The following NRG3 variants were observed in gnomAD, a reference collection of about 807,000 sequenced individuals.
NRG3 encodes the protein pro-neuregulin-3, membrane-bound isoform.
NRG3 carries 31 observed loss-of-function variants against 66.9 expected under a neutral mutation model. The ratio of observed to expected loss-of-function variants is 0.46; its 90% CI spans 0.35 to 0.63. The LOEUF is 0.63. Among genes scored for constraint, NRG3 ranks in the 20% least tolerant of loss-of-function variants. The pLI is 0.00. For synonymous variants in NRG3, 393 were observed against 359.4 expected (o/e 1.09, Z -1.06); for missense variants, 910 against 878.9 (o/e 1.04, Z -0.45).
chr10:82,695,391 C>A (rs940837364), intron 2 of NRG3, among the ~76,000 whole-genome samples: 1 of 151,868 alleles, frequency 6.6e-6, no homozygotes, highest in Non-Finnish European at 1.5e-5. Flanking sequence ...AATTGAAACA[C>A]AAAGGAACAA....
chr10:82,181,911 T>G (rs2073447758), intron 1 of NRG3, among the ~76,000 whole-genome samples: 1 of 151,848 alleles, frequency 6.6e-6, no homozygotes, highest in Non-Finnish European at 1.5e-5. Context: ...TGTCAATGTT[T>G]GCTTCATATG....
intron 2 of NRG3, among the ~76,000 whole-genome samples, chr10:82,365,000 G>A (rs984426885): frequency 6.6e-6 from 1 of 152,134 alleles, no homozygotes; most frequent in Non-Finnish European, 1.5e-5. Flanking sequence ...CTGTCTCTGA[G>A]TAGGTTTTGA....
At chr10:82,777,999 G>A (rs2059970807) in intron 3 of NRG3, among the ~76,000 whole-genome samples, 1 of 152,174 alleles carries the variant, frequency 6.6e-6, no homozygotes, top group Admixed American at 6.5e-5. Context: ...CAGCCCAGAG[G>A]ACAAGGTAAC....
intron 1 of NRG3, among the ~76,000 whole-genome samples, chr10:81,881,390 G>A (rs2132475473): frequency 6.6e-6 from 1 of 152,176 alleles, no homozygotes; most frequent in East Asian, 1.9e-4. Context: ...TTATTAAACT[G>A]TCTTGGTGAT....
chr10:82,014,387 C>T (rs1215375317), intron 1 of NRG3, among the ~76,000 whole-genome samples: 4 of 152,154 alleles, frequency 2.6e-5, no homozygotes, highest in Non-Finnish European at 5.9e-5. Context: ...GCTCAGGCCT[C>T]ATTTACATGG....
intron 1 of NRG3, among the ~76,000 whole-genome samples, chr10:82,108,522 A>G (rs1330657511): frequency 1.3e-5 from 2 of 152,158 alleles, no homozygotes; most frequent in Non-Finnish European, 2.9e-5. Context: ...TTAGCCATGA[A>G]GCTTTGCTAA....
chr10:81,958,453 T>C (rs960983917), intron 1 of NRG3, among the ~76,000 whole-genome samples: 2 of 152,208 alleles, frequency 1.3e-5, no homozygotes, highest in African/African-American at 4.8e-5. Context: ...CTCTTCCAAG[T>C]TTCCTGTCCA....
chr10:82,439,395 C>A (rs576385678), intron 2 of NRG3, among the ~76,000 whole-genome samples: 10 of 152,082 alleles, frequency 6.6e-5, no homozygotes, highest in Non-Finnish European at 1.3e-4. Context: ...TGACCTTCAA[C>A]TATTTTATTA....
At position 82,395,072 on chromosome 10, in the gene NRG3, G is replaced by T. The variant is rs2086632467; in HGVS notation, c.953+36204G>T. 2.6e-5 allele frequency among the ~76,000 whole-genome samples: 4 copies of T among 152,154 alleles called. No homozygotes were observed. In the South Asian group the frequency reaches 8.3e-4, roughly 31 times the overall value. Reference sequence around the variant, plus strand: ...AAGTAGAGGCCTGAAATGGGCTCATGAATTGGAATTGCTTTCTCAGTTTCT... The same window carrying T: ...AAGTAGAGGCCTGAAATGGGCTCATTAATTGGAATTGCTTTCTCAGTTTCT... On this transcript the variant is annotated intron_variant, in intron 2 of 8. Transcript: ENST00000372141.
intron 3 of NRG3, among the ~76,000 whole-genome samples, chr10:82,823,183 A>G (rs2062029095): frequency 6.6e-6 from 1 of 152,120 alleles, no homozygotes; most frequent in Non-Finnish European, 1.5e-5. Flanking sequence ...GGGTAATCCT[A>G]CCTGTGGAGA....
chr10:82,232,584 A>G (rs1055322086), intron 1 of NRG3: 33 of 588,878 alleles, frequency 5.6e-5, no homozygotes, highest in Non-Finnish European at 9.3e-5. Flanking sequence ...CTGGTTACTA[A>G]TACAGACTTT....
intron 2 of NRG3, among the ~76,000 whole-genome samples, chr10:82,666,881 G>A (rs28498938): frequency 0.039 from 5,991 of 152,256 alleles, 414 homozygotes; most frequent in African/African-American, 0.14. Flanking sequence ...ATAAATATTT[G>A]TGAGATGACT....
intron 4 of NRG3, among the ~76,000 whole-genome samples, chr10:82,875,815 G>T (rs1841770545): frequency 6.6e-6 from 1 of 152,182 alleles, no homozygotes; most frequent in Non-Finnish European, 1.5e-5. Flanking sequence ...TACATATAAG[G>T]ATAATATTTT....
chr10:82,462,280 G>C (rs1378491043), intron 2 of NRG3, among the ~76,000 whole-genome samples: 1 of 152,050 alleles, frequency 6.6e-6, no homozygotes, highest in African/African-American at 2.4e-5. Flanking sequence ...AGAGTTCTCA[G>C]GGTAAGTCAG....
chr10:82,090,176 A>C (rs1183917374), intron 1 of NRG3, among the ~76,000 whole-genome samples: 1 of 152,182 alleles, frequency 6.6e-6, no homozygotes, highest in Admixed American at 6.5e-5. Context: ...AGTTCTCTCC[A>C]TTTAATTTGC....
At chr10:82,109,788 C>G (rs1479191146) in intron 1 of NRG3, among the ~76,000 whole-genome samples, 1 of 152,046 alleles carries the variant, frequency 6.6e-6, no homozygotes, top group East Asian at 1.9e-4. Context: ...TCATAACAAG[C>G]CTTCAAATTC....
At chr10:82,654,506 A>C (rs897925169) in intron 2 of NRG3, among the ~76,000 whole-genome samples, 2 of 152,240 alleles carry the variant, frequency 1.3e-5, no homozygotes, top group Non-Finnish European at 2.9e-5. Context: ...TGCTTAATGT[A>C]TAAAGCAAAA....
At chr10:82,832,804 TTGTG>T (rs139438548) in intron 3 of NRG3, among the ~76,000 whole-genome samples, 1,617 of 147,982 alleles carry the variant, frequency 0.011, 22 homozygotes, top group African/African-American at 0.032. Context: ...ATGCATGTAA[TTGTG>T]TGTGTGTGTG....
intron 3 of NRG3, among the ~76,000 whole-genome samples, chr10:82,774,672 A>T (rs2059830778): frequency 6.6e-6 from 1 of 151,142 alleles, no homozygotes; most frequent in Non-Finnish European, 1.5e-5. Flanking sequence ...TTTTTTTCTT[A>T]GTCTAGTTAG....
Sources: gnomAD v4.1 joint callset for allele counts (sites outside exome capture counted in the v4.1 genomes callset) on GRCh38, gnomAD v4.1.1 for gene constraint, MANE v1.5 for transcripts, NCBI Gene and HGNC (gene_info 2026-07-23, HGNC 2026-07-21) for gene names.